Variants in SUSD4 observed in about 807,000 individuals in gnomAD.
SUSD4 encodes sushi domain containing 4, also known as sushi domain-containing protein 4.
In SUSD4, 41 loss-of-function variants were observed where a neutral mutation model predicts 50.5. That is an observed-to-expected ratio of 0.81 (90% CI 0.63 to 1.05). The LOEUF (loss-of-function observed/expected upper bound fraction) is 1.05. Among genes scored for constraint, SUSD4 ranks in the 50% least tolerant of loss-of-function variants. The pLI, the probability that SUSD4 is intolerant of heterozygous loss-of-function variation, is 0.00. For missense variants in SUSD4, 580 were observed against 634.7 expected, an observed-to-expected ratio of 0.91 and a Z score of 0.93; for synonymous variants, 257 against 257.3, an observed-to-expected ratio of 1.00 and a Z score of 0.01.
At chr1:223,271,969 A>G (rs1454937272) in intron 3 of SUSD4, among the ~76,000 whole-genome samples, 1 of 152,238 alleles carries the variant, frequency 6.6e-6, no homozygotes, top group Non-Finnish European at 1.5e-5. Flanking sequence ...GCTCACCCCT[A>G]TAATCCCAAC....
At chr1:223,329,725 A>G (rs1175209496) in intron 2 of SUSD4, among the ~76,000 whole-genome samples, 1 of 152,236 alleles carries the variant, frequency 6.6e-6, no homozygotes, top group African/African-American at 2.4e-5. Context: ...GAACGATAGC[A>G]CTGGAGTTCA....
chr1:223,329,759 C>A (rs563648484), intron 2 of SUSD4, among the ~76,000 whole-genome samples: 21 of 151,922 alleles, frequency 1.4e-4, no homozygotes, highest in African/African-American at 4.6e-4. Context: ...AGTGAATGGA[C>A]AGATGAACAG....
intron 3 of SUSD4, chr1:223,289,154 T>C: frequency 1.0e-6 from 1 of 985,378 alleles, no homozygotes; most frequent in Middle Eastern, 5.2e-4. Context: ...ACGGGGTGTA[T>C]TTTCAGTCCT....
Position 223,267,837 on chromosome 1 carries a change from G to A in SUSD4, c.535+665C>T, listed in dbSNP as rs79475053. On this transcript the variant is annotated intron_variant, in intron 4 of 8. Transcript: ENST00000366878. ...GCATTGCCTTCTTGGTTCTTTGGTC[G>A]AAGTCACACGTCAAAAAATAAAATC... 7.7e-3 allele frequency among the ~76,000 whole-genome samples: 1,162 copies of A among 151,598 alleles called. 15 individuals carry two copies. Among genetic ancestry groups the A allele is most frequent in the African/African-American group, 0.026 (1,059 of 41,258 alleles).
At position 223,292,422 on chromosome 1, in the gene SUSD4, A is replaced by G. The variant is rs1365062342; in HGVS notation, c.361+17T>C. The G allele has an allele frequency of 3.7e-6, 6 of 1,613,896 alleles. No individual in the cohort carries two copies. Among genetic ancestry groups the G allele is most frequent in the Non-Finnish European group, 5.1e-6 (6 of 1,179,894 alleles). Reference sequence around the variant, plus strand: ...TGAACCACATGAGTGGCTTCCGTGGAGAAGTAAGCACTTTACCTTCTTGCA... The same window carrying G: ...TGAACCACATGAGTGGCTTCCGTGGGGAAGTAAGCACTTTACCTTCTTGCA... On this transcript the variant is annotated intron_variant, in intron 3 of 8. Coordinates refer to ENST00000366878, the MANE Select transcript of SUSD4 (RefSeq NM_017982.4).
At chr1:223,311,012 A>C (rs901106861) in intron 2 of SUSD4, among the ~76,000 whole-genome samples, 1 of 152,178 alleles carries the variant, frequency 6.6e-6, no homozygotes, top group African/African-American at 2.4e-5. Context: ...AAGACTCTGA[A>C]GGTCTGCAGT....
chr1:223,271,333 G>T (rs568837454), intron 3 of SUSD4, among the ~76,000 whole-genome samples: 4 of 152,316 alleles, frequency 2.6e-5, no homozygotes, highest in Admixed American at 2.6e-4. Context: ...TCAGCATAGT[G>T]TTGTGTAATG....
At chr1:223,240,713 A>T (rs1365364280) in intron 5 of SUSD4, among the ~76,000 whole-genome samples, 6 of 152,242 alleles carry the variant, frequency 3.9e-5, no homozygotes, top group African/African-American at 1.4e-4. Context: ...TATTTCCTCC[A>T]TTAGAGCCCT....
At position 223,221,139 on chromosome 1, in the gene SUSD4, G is replaced by A. The variant is rs191133309; in HGVS notation, c.*1053C>T. The A allele has an allele frequency of 1.5e-4, 61 of 400,850 alleles. 1 individual carries two copies. In the Middle Eastern group the frequency reaches 7.1e-3, roughly 47 times the overall value. The allele number at this position is 400,850 out of a possible 1,614,324, so 24.8% of individuals were successfully genotyped here. A position where few individuals can be genotyped will look rare whatever the true frequency, so the allele number is the denominator to read the frequency against. ...GAGGTGGCTGAGCTATCTGGGCTGG[G>A]AGGCCAGCCTCCTGGAATCTTAGGA... On this transcript the variant is annotated 3_prime_UTR_variant, in exon 9 of 9. Coordinates refer to ENST00000366878, the MANE Select transcript of SUSD4 (RefSeq NM_017982.4).
intron 3 of SUSD4, among the ~76,000 whole-genome samples, chr1:223,270,324 A>G (rs1030164280): frequency 2.6e-5 from 4 of 152,110 alleles, no homozygotes; most frequent in Non-Finnish European, 5.9e-5. Flanking sequence ...TGACCTGCGC[A>G]CACACCTGGC....
intron 2 of SUSD4, among the ~76,000 whole-genome samples, chr1:223,356,520 C>T (rs948731409): frequency 6.6e-6 from 1 of 152,016 alleles, no homozygotes; most frequent in African/African-American, 2.4e-5. Context: ...AAGTGATTCT[C>T]CCACTTCACC....
intron 3 of SUSD4, among the ~76,000 whole-genome samples, chr1:223,278,172 C>CT (rs1469660345): frequency 2.6e-5 from 4 of 152,202 alleles, no homozygotes; most frequent in Non-Finnish European, 5.9e-5. Context: ...GCATTTCCAT[C>CT]TGAGGTACCA....
chr1:223,298,194 G>T (rs1664959268), intron 2 of SUSD4, among the ~76,000 whole-genome samples: 2 of 152,032 alleles, frequency 1.3e-5, no homozygotes, highest in African/African-American at 2.4e-5. Flanking sequence ...ATGGATGGAT[G>T]GATGGATGGA....
chr1:223,316,319 T>C (rs1314625276), intron 2 of SUSD4, among the ~76,000 whole-genome samples: 1 of 152,076 alleles, frequency 6.6e-6, no homozygotes, highest in Non-Finnish European at 1.5e-5. Context: ...ATCTCTCCTT[T>C]TTATAGCATT....
At chr1:223,262,141 C>T (rs535353205) in intron 5 of SUSD4, among the ~76,000 whole-genome samples, 2 of 152,232 alleles carry the variant, frequency 1.3e-5, no homozygotes, top group South Asian at 4.2e-4. Context: ...ACAGCTGCAG[C>T]GACAGGTACC....
chr1:223,363,957 A>G, intron 1 of SUSD4, 100 bp downstream of exon 1: 1 of 152,070 alleles, frequency 6.6e-6, no homozygotes, highest in East Asian at 2.0e-4. Context: ...AAAAAAAAAA[A>G]AATTCTCCCT....
intron 2 of SUSD4, among the ~76,000 whole-genome samples, chr1:223,323,622 G>T (rs556493296): frequency 1.3e-5 from 2 of 152,296 alleles, no homozygotes; most frequent in East Asian, 3.9e-4. Flanking sequence ...AGGATGCAGG[G>T]TGAGGCCAAG....
rs112425579 is a variant in SUSD4, at chr1:223,258,179, C to T, written c.724+6451G>A. ...TCCTGGAGGGAGAAATCACTTCAGGCGCCTCTTATACCAGGCGCCTCTTGT... is the reference window on the plus strand; with the variant it reads ...TCCTGGAGGGAGAAATCACTTCAGGTGCCTCTTATACCAGGCGCCTCTTGT... On this transcript the variant is annotated intron_variant, in intron 5 of 8. Transcript: ENST00000366878. 6.1e-3 allele frequency among the ~76,000 whole-genome samples: 935 copies of T among 152,256 alleles called. 5 individuals are homozygous for T. The highest frequency in any genetic ancestry group is 0.021 in the African/African-American group (886 of 41,532).
intron 2 of SUSD4, among the ~76,000 whole-genome samples, chr1:223,361,562 T>C (rs555463626): frequency 6.6e-5 from 10 of 152,252 alleles, no homozygotes; most frequent in African/African-American, 2.4e-4. Context: ...GTGGCCATGA[T>C]GTACACTGAG....
Sources: gnomAD v4.1 joint callset for allele counts (sites outside exome capture counted in the v4.1 genomes callset) on GRCh38, gnomAD v4.1.1 for gene constraint, MANE v1.5 for transcripts, NCBI Gene and HGNC (gene_info 2026-07-23, HGNC 2026-07-21) for gene names.